PANX1: variants seen among roughly 807,000 people sequenced by gnomAD.
PANX1 encodes the protein pannexin-1.
In PANX1, 30 loss-of-function variants were observed where a neutral mutation model predicts 38.7. The observed-to-expected ratio is 0.78, with a 90% CI of 0.58 to 1.05. The LOEUF (loss-of-function observed/expected upper bound fraction) is 1.05. Among genes scored for constraint, PANX1 ranks in the 50% least tolerant of loss-of-function variants. The pLI, the probability that PANX1 is intolerant of heterozygous loss-of-function variation, is 0.00. For missense variants in PANX1, 551 were observed against 517.2 expected, an observed-to-expected ratio of 1.07 and a Z score of -0.63; for synonymous variants, 230 against 212.2, an observed-to-expected ratio of 1.08 and a Z score of -0.73.
chr11:94,129,710 C>G (rs895532243), intron 1 of PANX1, among the ~76,000 whole-genome samples: 2 of 152,182 alleles, frequency 1.3e-5, no homozygotes, highest in African/African-American at 4.8e-5. Flanking sequence ...CTCCTCAGTT[C>G]TTTTGTTCCT....
intron 1 of PANX1, among the ~76,000 whole-genome samples, chr11:94,135,661 T>C (rs1946681139): frequency 6.6e-6 from 1 of 152,216 alleles, no homozygotes; most frequent in Non-Finnish European, 1.5e-5. Context: ...GAGAGTCTAC[T>C]GTTGGATACA....
Position 94,129,141 on chromosome 11 carries a change from C to CGGAGTCGCTGGGAGCCTGA in PANX1, c.-169_-151dup. On this transcript the variant is annotated 5_prime_UTR_variant, in exon 1 of 5. Coordinates refer to ENST00000227638, the MANE Select transcript of PANX1 (RefSeq NM_015368.4). Reference sequence around the variant, plus strand: ...GGAGGCAGCGAGCGCGAGAGCCCAGCGGAGTCGCTGGGAGCCTGAGGCACC... The same window carrying CGGAGTCGCTGGGAGCCTGA: ...GGAGGCAGCGAGCGCGAGAGCCCAGCGGAGTCGCTGGGAGCCTGAGGAGTCGCTGGGAGCCTGAGGCACC... 2 of 513,768 alleles carry CGGAGTCGCTGGGAGCCTGA rather than the reference C, an allele frequency of 3.9e-6. No homozygotes were observed. Among genetic ancestry groups the CGGAGTCGCTGGGAGCCTGA allele is most frequent in the Non-Finnish European group, 3.4e-6 (1 of 296,822 alleles). The allele number at this position is 513,768 out of a possible 1,614,324, so 31.8% of individuals were successfully genotyped here.
At chr11:94,137,161 G>T (rs1946703435) in intron 1 of PANX1, among the ~76,000 whole-genome samples, 1 of 151,952 alleles carries the variant, frequency 6.6e-6, no homozygotes, top group Non-Finnish European at 1.5e-5. Context: ...AAAATTAGCT[G>T]GGTGTGGTGG....
intron 2 of PANX1, among the ~76,000 whole-genome samples, chr11:94,155,340 A>T (rs1253257562): frequency 2.2e-5 from 3 of 138,322 alleles, no homozygotes; most frequent in Non-Finnish European, 4.6e-5. Flanking sequence ...ACAAGAGTGG[A>T]ACTCCATCTC....
intron 2 of PANX1, among the ~76,000 whole-genome samples, chr11:94,163,813 T>A (rs1716110848): frequency 6.6e-6 from 1 of 152,158 alleles, no homozygotes; most frequent in Admixed American, 6.5e-5. Flanking sequence ...TGGTGTTAGT[T>A]CTTTTTTAAA....
In PANX1 at chr11:94,137,979, G is replaced by C. The variant is rs145763383; in HGVS notation, c.181+8486G>C. On this transcript the variant is annotated intron_variant, in intron 1 of 4. Transcript: ENST00000227638. Reference sequence around the variant, plus strand: ...GTTGTGCACGTGTCAAAATTTAACTGTTTCACAAGTTTTGTAATATAAATA... The same window carrying C: ...GTTGTGCACGTGTCAAAATTTAACTCTTTCACAAGTTTTGTAATATAAATA... 7.0e-3 allele frequency among the ~76,000 whole-genome samples: 1,050 copies of C among 150,320 alleles called. 6 individuals are homozygous for C. Among genetic ancestry groups the C allele is most frequent in the Non-Finnish European group, 7.6e-3 (513 of 67,714 alleles).
rs1420278844 is a variant in PANX1 at position 94,178,483 on chromosome 11, C to G, written c.436C>G (p.Leu146Val). Residue 146 changes from leucine (L) to valine (V), a missense_variant, in exon 3 of 5, where the codon CTT (leucine) becomes GTT (valine). By Grantham distance (32) the Leu-to-Val change is conservative. Transcript: ENST00000227638. Reference sequence around the variant, plus strand: ...AGACTTGAAGTTTATCATGGAAGAACTTGACAAAGTTTACAACCGTGCAAT... The same window carrying G: ...AGACTTGAAGTTTATCATGGAAGAAGTTGACAAAGTTTACAACCGTGCAAT... Reference protein sequence around the residue: ...CSDLKFIMEELDKVYNRAIKA... With the variant: ...CSDLKFIMEEVDKVYNRAIKA... The G allele has an allele frequency of 1.2e-6, 2 of 1,614,124 alleles. No individual in the cohort carries two copies. Among genetic ancestry groups the G allele is most frequent in the African/African-American group, 1.3e-5 (1 of 75,046 alleles).
At chr11:94,150,582 C>T (rs1946872183) in intron 1 of PANX1, among the ~76,000 whole-genome samples, 1 of 152,158 alleles carries the variant, frequency 6.6e-6, no homozygotes, top group African/African-American at 2.4e-5. Context: ...TGACCCCTTG[C>T]CTTTAGGTGC....
In PANX1 at chr11:94,180,267, G is replaced by C. The variant is rs1947290469; in HGVS notation, c.1201+10G>C. The C allele has an allele frequency of 6.3e-7, 1 of 1,589,234 alleles. No individual in the cohort carries two copies. Among genetic ancestry groups the C allele is most frequent in the Admixed American group, 1.7e-5 (1 of 58,068 alleles). ...ACGGCAGAGCTCCAAGGTAGGGTTT[G>C]CTTTTGGCAGAGGCTACGGGAGTCT... On this transcript the variant is annotated intron_variant, in intron 4 of 4. Transcript: ENST00000227638.
At chr11:94,162,871 C>CTT (rs59182320) in intron 2 of PANX1, among the ~76,000 whole-genome samples, 5 of 107,436 alleles carry the variant, frequency 4.7e-5, no homozygotes, top group East Asian at 4.9e-4. Context: ...ACCAACCTCT[C>CTT]TTTTTTTTTT....
In PANX1 at chr11:94,171,235, C is replaced by G. The variant is rs2134516858; in HGVS notation, c.322-7134C>G. On this transcript the variant is annotated intron_variant, in intron 2 of 4. Coordinates refer to ENST00000227638, the MANE Select transcript of PANX1 (RefSeq NM_015368.4). Reference sequence around the variant, plus strand: ...CCATCTCCATCATGAGTTCCTGTGGCCACCTCATTCTGAACTTGCTGTCAC... The same window carrying G: ...CCATCTCCATCATGAGTTCCTGTGGGCACCTCATTCTGAACTTGCTGTCAC... 1.3e-5 allele frequency among the ~76,000 whole-genome samples: 2 copies of G among 151,704 alleles called. 1 individual carries two copies. The highest frequency in any genetic ancestry group is 4.9e-5 in the African/African-American group (2 of 41,024).
intron 1 of PANX1, among the ~76,000 whole-genome samples, chr11:94,148,529 A>G (rs1192284959): frequency 6.6e-6 from 1 of 152,116 alleles, no homozygotes; most frequent in African/African-American, 2.4e-5. Context: ...TCTCTATACC[A>G]CACATTCAGG....
chr11:94,167,729 C>T lies in PANX1; in HGVS notation c.322-10640C>T, dbSNP rs937806546. Among the ~76,000 whole-genome samples, 14 of 152,316 alleles carry T rather than the reference C, an allele frequency of 9.2e-5. 1 individual carries two copies. Among genetic ancestry groups the T allele is most frequent in the Admixed American group, 7.2e-4 (11 of 15,298 alleles). On this transcript the variant is annotated intron_variant, in intron 2 of 4. Coordinates refer to ENST00000227638, the MANE Select transcript of PANX1 (RefSeq NM_015368.4). ...TTCTTGAGCTGAAAACATTTAGTCA[C>T]AGTTGATTTCAGCTAACGTTGATTG...
intron 2 of PANX1, among the ~76,000 whole-genome samples, chr11:94,174,598 GTTC>G: frequency 1.3e-5 from 2 of 151,626 alleles, no homozygotes; most frequent in Non-Finnish European, 2.9e-5. Flanking sequence ...ATCAGCTTGT[GTTC>G]CCATCTGTCC....
rs538945822 is a variant in PANX1 at position 94,181,829 on chromosome 11, G to A, written c.*960G>A. The A allele has an allele frequency of 3.9e-5, 6 of 152,186 alleles. No homozygotes were observed. Among genetic ancestry groups the A allele is most frequent in the East Asian group, 1.9e-4 (1 of 5,182 alleles). The allele number at this position is 152,186 out of a possible 1,614,324, so 9.4% of individuals were successfully genotyped here. Reference sequence around the variant, plus strand: ...GTGCTTGGAGCCAGAAAAACTTAGCGGTTTATTTTGTTTATATTTAAGCAC... The same window carrying A: ...GTGCTTGGAGCCAGAAAAACTTAGCAGTTTATTTTGTTTATATTTAAGCAC... On this transcript the variant is annotated 3_prime_UTR_variant, in exon 5 of 5. Transcript: ENST00000227638.
intron 2 of PANX1, among the ~76,000 whole-genome samples, chr11:94,159,305 T>G (rs1946992121): frequency 1.3e-5 from 2 of 152,176 alleles, no homozygotes; most frequent in South Asian, 4.1e-4. Flanking sequence ...TTCTATTGAT[T>G]GGAATAGTTT....
chr11:94,134,740 A>G (rs1277075177), intron 1 of PANX1, among the ~76,000 whole-genome samples: 2 of 141,854 alleles, frequency 1.4e-5, no homozygotes, highest in African/African-American at 5.3e-5. Flanking sequence ...TCCTCTCTCC[A>G]CAAGTGCGGC....
At position 94,179,686 on chromosome 11, in the gene PANX1, C is replaced by A. The variant is rs1947280017; in HGVS notation, c.630C>A (p.Ile210=). ...CAAAGAAAAATTCTAATAATTTAAT[C>A]ATCAAGTACATTAGCTGCCGCCTGC... The part of the protein sequence containing the change: ...LKTKKNSNNL[I]IKYISCRLLT... Residue 210 remains isoleucine, a synonymous_variant, in exon 4 of 5, where the codon ATC becomes ATA. Coordinates refer to ENST00000227638, the MANE Select transcript of PANX1 (RefSeq NM_015368.4). The A allele has an allele frequency of 6.2e-7, 1 of 1,613,398 alleles. No homozygotes were observed. Among genetic ancestry groups the A allele is most frequent in the East Asian group, 2.2e-5 (1 of 44,870 alleles).
At chr11:94,138,010 G>A (rs1946721272) in intron 1 of PANX1, among the ~76,000 whole-genome samples, 1 of 151,484 alleles carries the variant, frequency 6.6e-6, no homozygotes. Context: ...AAATAGCATT[G>A]TGAAGAACAC....
Sources: gnomAD v4.1 joint callset for allele counts (sites outside exome capture counted in the v4.1 genomes callset) on GRCh38, gnomAD v4.1.1 for gene constraint, MANE v1.5 for transcripts, NCBI Gene and HGNC (gene_info 2026-07-23, HGNC 2026-07-21) for gene names.